The following CCDC91 variants were observed in gnomAD, a reference collection of about 807,000 sequenced individuals.
CCDC91 encodes coiled-coil domain-containing protein 91.
Under a neutral mutation model 63.2 loss-of-function variants are expected in CCDC91, and 48 were observed. The ratio of observed to expected loss-of-function variants is 0.76; its 90% CI spans 0.60 to 0.97. CCDC91 has a LOEUF of 0.97. Among genes scored for constraint, CCDC91 ranks in the 50% least tolerant of loss-of-function variants. CCDC91 has a pLI of 0.00. For synonymous variants in CCDC91, 167 were observed against 165.8 expected (o/e 1.01, Z -0.06); for missense variants, 500 against 494.6 (o/e 1.01, Z -0.10).
intron 1 of CCDC91, among the ~76,000 whole-genome samples, chr12:28,227,322 C>A (rs563435240): frequency 3.3e-5 from 5 of 152,150 alleles, no homozygotes; most frequent in African/African-American, 1.2e-4. Flanking sequence ...TTTTGGAATT[C>A]TTCTGCATGG....
intron 6 of CCDC91, among the ~76,000 whole-genome samples, chr12:28,309,556 G>A (rs933705192): frequency 5.3e-5 from 8 of 151,698 alleles, no homozygotes; most frequent in Non-Finnish European, 7.4e-5. Flanking sequence ...AACCAGTTTC[G>A]TCTCTAACCT....
At chr12:28,521,265 T>C (rs1257291600) in intron 12 of CCDC91, among the ~76,000 whole-genome samples, 1 of 152,184 alleles carries the variant, frequency 6.6e-6, no homozygotes, top group African/African-American at 2.4e-5. Flanking sequence ...TGGTTTGTAG[T>C]TCTCCTTGAA....
intron 6 of CCDC91, among the ~76,000 whole-genome samples, chr12:28,312,180 C>G (rs1045948085): frequency 2.0e-5 from 3 of 151,856 alleles, no homozygotes; most frequent in Admixed American, 1.3e-4. Context: ...TAATTTGAAA[C>G]AGGTAACTTT....
chr12:28,336,922 C>T (rs1002439503), intron 6 of CCDC91, among the ~76,000 whole-genome samples: 3 of 142,818 alleles, frequency 2.1e-5, no homozygotes, highest in African/African-American at 7.3e-5. Flanking sequence ...GTAATTTTCA[C>T]TTTAAAAAGT....
chr12:28,248,178 T>G (rs1167292241), intron 1 of CCDC91, among the ~76,000 whole-genome samples: 1 of 152,194 alleles, frequency 6.6e-6, no homozygotes, highest in African/African-American at 2.4e-5. Flanking sequence ...AAATGTGTTA[T>G]AGAGGTAGTG....
At chr12:28,463,349 G>C (rs1950399588) in intron 11 of CCDC91, among the ~76,000 whole-genome samples, 1 of 152,184 alleles carries the variant, frequency 6.6e-6, no homozygotes, top group African/African-American at 2.4e-5. Context: ...TGAAGTCAAA[G>C]AGACAAATTC....
At chr12:28,333,790 T>C (rs971739209) in intron 6 of CCDC91, among the ~76,000 whole-genome samples, 5 of 152,234 alleles carry the variant, frequency 3.3e-5, no homozygotes, top group African/African-American at 1.2e-4. Context: ...ATAGACTTTA[T>C]GACAGTCTAG....
intron 11 of CCDC91, among the ~76,000 whole-genome samples, chr12:28,480,821 G>A (rs1031902198): frequency 3.3e-5 from 5 of 151,966 alleles, no homozygotes; most frequent in Non-Finnish European, 5.9e-5. Context: ...GTAAATAACT[G>A]AGCTATGTTT....
intron 7 of CCDC91, among the ~76,000 whole-genome samples, chr12:28,372,081 T>A (rs1226253646): frequency 6.6e-6 from 1 of 152,202 alleles, no homozygotes; most frequent in Admixed American, 6.6e-5. Flanking sequence ...CCAGCACCAT[T>A]TGTTGAATAG....
intron 12 of CCDC91, among the ~76,000 whole-genome samples, chr12:28,506,425 T>G (rs1040554093): frequency 1.3e-5 from 2 of 151,974 alleles, no homozygotes; most frequent in Non-Finnish European, 2.9e-5. Context: ...TGAACTAGTT[T>G]GGGTCACATG....
chr12:28,375,002 G>C (rs1327989371), intron 7 of CCDC91, among the ~76,000 whole-genome samples: 1 of 152,008 alleles, frequency 6.6e-6, no homozygotes, highest in Non-Finnish European at 1.5e-5. Flanking sequence ...ATGCCTGCCA[G>C]AATTTATACT....
intron 8 of CCDC91, among the ~76,000 whole-genome samples, chr12:28,439,956 T>G (rs369782130): frequency 6.6e-6 from 1 of 151,808 alleles, no homozygotes; most frequent in East Asian, 1.9e-4. Flanking sequence ...TTTGCATTTA[T>G]TTCTTCAATT....
chr12:28,280,209 T>C (rs1948515328), intron 3 of CCDC91, among the ~76,000 whole-genome samples: 1 of 152,040 alleles, frequency 6.6e-6, no homozygotes, highest in African/African-American at 2.4e-5. Flanking sequence ...GATAATACTA[T>C]AAGATTTTAG....
intron 1 of CCDC91, among the ~76,000 whole-genome samples, chr12:28,242,502 G>A (rs1383849242): frequency 4.6e-5 from 7 of 152,148 alleles, no homozygotes; most frequent in Admixed American, 3.3e-4. Flanking sequence ...ACAGAAAAGA[G>A]GGCAGCATGT....
intron 12 of CCDC91, among the ~76,000 whole-genome samples, chr12:28,528,007 T>G (rs1265139153): frequency 6.6e-6 from 1 of 152,156 alleles, no homozygotes; most frequent in Non-Finnish European, 1.5e-5. Context: ...GGCTAAGAAC[T>G]TGCCCCATGT....
chr12:28,350,479 G>A (rs542595320), intron 6 of CCDC91, among the ~76,000 whole-genome samples: 66 of 152,182 alleles, frequency 4.3e-4, no homozygotes, highest in African/African-American at 1.5e-3. Context: ...CTGGTGTCCC[G>A]GGCATACACT....
chr12:28,545,522 C>A (rs1282056054), intron 12 of CCDC91, among the ~76,000 whole-genome samples: 1 of 152,066 alleles, frequency 6.6e-6, no homozygotes, highest in Non-Finnish European at 1.5e-5. Context: ...ATGGCCCAAT[C>A]TCTGTTTTCC....
In CCDC91 at chr12:28,503,543, T is replaced by C. The variant is rs541131942; in HGVS notation, c.1215+19378T>C. The stretch of plus-strand genomic sequence containing the variant: ...TGAGTGTGGCGATTCCTCAGGGATC[T>C]AGAACTAGAATTACCATTTGACCCA... On this transcript the variant is annotated intron_variant, in intron 12 of 12. Transcript: ENST00000536442. 6.0e-4 allele frequency among the ~76,000 whole-genome samples: 91 copies of C among 152,236 alleles called. 1 individual carries two copies. In the Middle Eastern group the frequency reaches 0.048, roughly 80 times the overall value.
chr12:28,204,813 G>C (rs1942723225), intron 1 of CCDC91, among the ~76,000 whole-genome samples: 1 of 152,106 alleles, frequency 6.6e-6, no homozygotes, highest in Non-Finnish European at 1.5e-5. Context: ...TTCTTCTGTA[G>C]CGTCTAGTTA....
Sources: allele counts gnomAD v4.1 joint callset (sites outside exome capture counted in the v4.1 genomes callset), GRCh38; gene constraint gnomAD v4.1.1; transcripts MANE v1.5; gene names NCBI Gene and HGNC (gene_info 2026-07-23, HGNC 2026-07-21).